Variants in IRF1 observed in about 807,000 individuals in gnomAD.
IRF1 encodes interferon regulatory factor 1.
In IRF1, 13 loss-of-function variants were observed where a neutral mutation model predicts 43.7. The observed-to-expected ratio is 0.30, with a 90% confidence interval of 0.19 to 0.47. IRF1 has a LOEUF of 0.47. IRF1 is among the 20% of genes least tolerant of loss of function. IRF1 has a pLI of 0.99. For missense variants in IRF1, 236 were observed against 408.9 expected, an observed-to-expected ratio of 0.58 and a Z score of 3.65; for synonymous variants, 138 against 146.8, an observed-to-expected ratio of 0.94 and a Z score of 0.43.
At position 132,489,450 on chromosome 5, in the gene IRF1, G is replaced by A; in HGVS notation, c.29C>T (p.Pro10Leu). MPITRMRMRPWLEMQINSNQ... is the reference protein window; with the variant it reads MPITRMRMRLWLEMQINSNQ... ...GGAATTAATCTGCATCTCTAGCCAG[G>A]GTCTCATGCGCATCCGAGTGATGGG... Residue 10 changes from proline to leucine, a missense_variant, in exon 2 of 10, where the codon CCC (proline) becomes CTC (leucine). Pro to Leu is a moderately conservative substitution (Grantham distance 98). Transcript: ENST00000245414. 1.2e-6 allele frequency: 2 copies of A among 1,614,000 alleles called. No individual in the cohort carries two copies. The highest frequency in any genetic ancestry group is 1.7e-6 in the Non-Finnish European group (2 of 1,179,940).
At chr5:132,489,633 A>G in intron 1 of IRF1, 150 bp from the exon 2 acceptor site, 1 of 592,752 alleles carries the variant, frequency 1.7e-6, no homozygotes, top group Non-Finnish European at 3.0e-6. Context: ...CTGCGCTGGA[A>G]TAAAACTGCT....
intron 8 of IRF1, 119 bp from the exon 9 acceptor site, chr5:132,484,616 T>A: frequency 7.6e-7 from 1 of 1,311,316 alleles, no homozygotes; most frequent in Non-Finnish European, 1.1e-6. Flanking sequence ...ATTTTCACAA[T>A]CTCAGATAGG....
chr5:132,484,246 G>C, intron 9 of IRF1, 116 bp downstream of exon 9: 1 of 1,444,476 alleles, frequency 6.9e-7, no homozygotes, highest in South Asian at 1.3e-5. Flanking sequence ...AATTCACAAT[G>C]TGTCAGTACC....
At chr5:132,489,689 C>A in intron 1 of IRF1, 1 of 514,618 alleles carries the variant, frequency 1.9e-6, no homozygotes, top group Non-Finnish European at 3.6e-6. Flanking sequence ...TTTGCCCCTT[C>A]CTTCAGCCCC....
chr5:132,490,352 G>A lies in IRF1; in HGVS notation c.-6+193C>T, dbSNP rs1259727833. On this transcript the variant is annotated intron_variant, in intron 1 of 9. Coordinates refer to ENST00000245414, the MANE Select transcript of IRF1 (RefSeq NM_002198.3). The surrounding 1 kb of genome is among the most constrained non-coding windows in gnomAD (Gnocchi z 5.8). ...CTCGTCCGGGTGGGCGGTCCACGCC[G>A]CGTCCCGCCCTCCCCGCGCCGCGGC... is the stretch of plus-strand genomic sequence containing the variant. 2.0e-5 allele frequency: 3 copies of A among 149,824 alleles called. No individual in the cohort carries two copies. Among genetic ancestry groups the A allele is most frequent in the Non-Finnish European group, 4.5e-5 (3 of 67,286 alleles). The allele number at this position is 149,824 out of a possible 1,614,324, so 9.3% of individuals were successfully genotyped here. A position where few individuals can be genotyped will look rare whatever the true frequency, so the allele number is the denominator to read the frequency against.
Position 132,481,762 on chromosome 5 carries a change from G to A in IRF1, c.*2189C>T, listed in dbSNP as rs1754379305. ...GAGCATTTCATCACTCTAGAAACTG[G>A]ATGGCAAGTGCTACCCAGCACAGCA... is the stretch of plus-strand genomic sequence containing the variant. On this transcript the variant is annotated 3_prime_UTR_variant, in exon 10 of 10. Coordinates refer to ENST00000245414, the MANE Select transcript of IRF1 (RefSeq NM_002198.3). 1 of 152,284 alleles carries A rather than the reference G, an allele frequency of 6.6e-6. No individual in the cohort carries two copies. Among genetic ancestry groups the A allele is most frequent in the African/African-American group, 2.4e-5 (1 of 41,448 alleles). The allele number at this position is 152,284 out of a possible 1,614,324, so 9.4% of individuals were successfully genotyped here.
chr5:132,485,922 C>G, intron 7 of IRF1: 3 of 608,640 alleles, frequency 4.9e-6, no homozygotes, highest in Non-Finnish European at 8.8e-6. Context: ...CCTCTCAAAC[C>G]CTGAAGCCAC....
chr5:132,487,762 C>A lies in IRF1; in HGVS notation c.187+164G>T, dbSNP rs1754574925. ...TTTGAGAATTTGCTGAGATGATCGA[C>A]TCTCTTCTCCAGAAACACAAGTCTG... is the stretch of plus-strand genomic sequence containing the variant. On this transcript the variant is annotated intron_variant, in intron 3 of 9. Transcript: ENST00000245414. 8 of 599,786 alleles carry A rather than the reference C, an allele frequency of 1.3e-5. No homozygotes were observed. The South Asian group carries it at 1.4e-4, about 10-fold the overall frequency. The allele number at this position is 599,786 out of a possible 1,614,324, so 37.2% of individuals were successfully genotyped here.
At chr5:132,487,880 CTT>C (rs1265608127) in intron 3 of IRF1, 44 bp downstream of exon 3, 1 of 1,397,166 alleles carries the variant, frequency 7.2e-7, no homozygotes, top group African/African-American at 1.4e-5. Flanking sequence ...AGTGCCTCCT[CTT>C]GTCTCTACCC....
At chr5:132,487,182 C>T in intron 3 of IRF1, 52 bp from the exon 4 acceptor site, 3 of 1,579,338 alleles carry the variant, frequency 1.9e-6, no homozygotes, top group South Asian at 1.1e-5. Context: ...TAGGGATCCT[C>T]AGCTGCCCCT....
rs1754449914 is a variant in IRF1, at chr5:132,483,869, G to A, written c.*82C>T. On this transcript the variant is annotated 3_prime_UTR_variant, in exon 10 of 10. Coordinates refer to ENST00000245414, the MANE Select transcript of IRF1 (RefSeq NM_002198.3). ...ACACTTGGCTGTTGAGGGGCCCACAGAAGTCCAGCTTCTCTGCACCATATC... is the reference window on the plus strand; with the variant it reads ...ACACTTGGCTGTTGAGGGGCCCACAAAAGTCCAGCTTCTCTGCACCATATC... 2 of 1,556,746 alleles carry A rather than the reference G, an allele frequency of 1.3e-6. No individual in the cohort carries two copies. The highest frequency in any genetic ancestry group is 2.3e-5 in the South Asian group (2 of 86,462).
At chr5:132,484,578 CCT>C in intron 8 of IRF1, 81 bp from the exon 9 acceptor site, 1 of 1,569,698 alleles carries the variant, frequency 6.4e-7, no homozygotes, top group Non-Finnish European at 8.7e-7. Context: ...TGAGCCAGCT[CCT>C]CTCAGCCAGT....
In IRF1 at chr5:132,482,663, G is replaced by GTTTTTTTTTTTTT. The variant is rs55959557; in HGVS notation, c.*1275_*1287dup. On this transcript the variant is annotated 3_prime_UTR_variant, in exon 10 of 10. Transcript: ENST00000245414. ...GCCACCATGCCCGGCCAAATGAAAG[G>GTTTTTTTTTTTTT]TTTTTTTTTTTTTTTTTTTTTTTGG... 1 of 65,926 alleles carries GTTTTTTTTTTTTT rather than the reference G, an allele frequency of 1.5e-5. No homozygotes were observed. Among genetic ancestry groups the GTTTTTTTTTTTTT allele is most frequent in the Non-Finnish European group, 3.1e-5 (1 of 32,556 alleles). The allele number at this position is 65,926 out of a possible 1,614,324, so 4.1% of individuals were successfully genotyped here. A position where few individuals can be genotyped will look rare whatever the true frequency, so the allele number is the denominator to read the frequency against.
Position 132,487,144 on chromosome 5 carries a change from G to GA in IRF1, c.188-15dup, listed in dbSNP as rs1163032926. 1.9e-6 allele frequency: 3 copies of GA among 1,610,896 alleles called. No individual in the cohort carries two copies. The highest frequency in any genetic ancestry group is 1.7e-6 in the Non-Finnish European group (2 of 1,177,808). ...CTTTGTATCGGCCTAGAGGGCAGGAGAAAAAAGAGGATCGTCAGGGCCATG... is the reference window on the plus strand; with the variant it reads ...CTTTGTATCGGCCTAGAGGGCAGGAGAAAAAAAGAGGATCGTCAGGGCCATG... On this transcript the variant is annotated splice_polypyrimidine_tract_variant and intron_variant, in intron 3 of 9. Transcript: ENST00000245414.
chr5:132,484,260 G>A, intron 9 of IRF1, 102 bp downstream of exon 9: 1 of 1,495,856 alleles, frequency 6.7e-7, no homozygotes, highest in Non-Finnish European at 9.2e-7. Context: ...CAGTACCCCA[G>A]ATGCTTTACC....
intron 1 of IRF1, chr5:132,489,774 T>C: frequency 3.2e-6 from 1 of 311,546 alleles, no homozygotes; most frequent in South Asian, 5.7e-5. Flanking sequence ...AGAGACAAAA[T>C]GCACAGATAC....
rs1342523495 is a variant in IRF1 at position 132,490,148 on chromosome 5, T to C, written c.-6+397A>G. 1.3e-5 allele frequency: 2 copies of C among 152,370 alleles called. No individual in the cohort carries two copies. Among genetic ancestry groups the C allele is most frequent in the African/African-American group, 4.8e-5 (2 of 41,452 alleles). The allele number at this position is 152,370 out of a possible 1,614,324, so 9.4% of individuals were successfully genotyped here. On this transcript the variant is annotated intron_variant, in intron 1 of 9. Transcript: ENST00000245414. The surrounding 1 kb of genome is among the most constrained non-coding windows in gnomAD (Gnocchi z 5.8). ...CCACCAGCACAGGGAGCCCAAAACC[T>C]GTCGCCTGGGCGCGGAGCTGGGACC...
At chr5:132,488,315 C>G (rs758954447) in intron 2 of IRF1, 2 of 320,046 alleles carry the variant, frequency 6.2e-6, no homozygotes, top group Non-Finnish European at 1.2e-5. Context: ...GCACCCTCCC[C>G]CAAAGCCCTG....
chr5:132,485,557 G>T, intron 8 of IRF1, 110 bp downstream of exon 8: 1 of 877,630 alleles, frequency 1.1e-6, no homozygotes, highest in Non-Finnish European at 2.0e-6. Context: ...AATGCAAGCA[G>T]CCAGGTGACA....
Sources: allele counts gnomAD v4.1 joint callset, GRCh38; gene constraint gnomAD v4.1.1; non-coding constraint Gnocchi (gnomAD v3.1); transcripts MANE v1.5; gene names NCBI Gene and HGNC (gene_info 2026-07-23, HGNC 2026-07-21).